Variants in PARP12 observed in about 807,000 individuals in gnomAD.
PARP12 encodes protein mono-ADP-ribosyltransferase PARP12.
A neutral mutation model predicts 72.4 loss-of-function variants in PARP12; 59 were observed. The ratio of observed to expected loss-of-function variants is 0.81; its 90% CI spans 0.66 to 1.01. The LOEUF (loss-of-function observed/expected upper bound fraction) is 1.01, where lower values mean the gene tolerates loss of function less well. Among genes scored for constraint, PARP12 ranks in the 50% least tolerant of loss-of-function variants. The pLI is 0.00. For missense variants in PARP12, 851 were observed against 914.0 expected, an observed-to-expected ratio of 0.93 and a Z score of 0.89; for synonymous variants, 403 against 371.4, an observed-to-expected ratio of 1.09 and a Z score of -0.98.
At chr7:140,032,790 G>A (rs1254008601) in intron 8 of PARP12, among the ~76,000 whole-genome samples, 3 of 151,994 alleles carry the variant, frequency 2.0e-5, no homozygotes, top group African/African-American at 7.3e-5. Flanking sequence ...GCTTATTTTT[G>A]CAAAGAGAAA....
At chr7:140,041,490 G>T in intron 6 of PARP12, 154 bp downstream of exon 6, 1 of 654,618 alleles carries the variant, frequency 1.5e-6, no homozygotes, top group Non-Finnish European at 2.6e-6. Flanking sequence ...ATCTAGTTTT[G>T]CCATAATTCT....
At chr7:140,042,053 G>A (rs1432083806) in intron 5 of PARP12, among the ~76,000 whole-genome samples, 5 of 152,172 alleles carry the variant, frequency 3.3e-5, no homozygotes, top group African/African-American at 1.2e-4. Flanking sequence ...TAGTTATGAC[G>A]AAAATTCCTC....
intron 7 of PARP12, among the ~76,000 whole-genome samples, chr7:140,035,993 G>GAGGAGGAGA (rs1167834142): frequency 0.011 from 584 of 53,962 alleles, 22 homozygotes; most frequent in Non-Finnish European, 0.015. Flanking sequence ...GGAGGAGGAG[G>GAGGAGGAGA]AGGAGGAGAA....
chr7:140,055,742 C>T (rs1817152964), intron 3 of PARP12, among the ~76,000 whole-genome samples: 2 of 152,012 alleles, frequency 1.3e-5, no homozygotes, highest in South Asian at 4.1e-4. Flanking sequence ...CTATTTAATA[C>T]AAAACCTGTC....
At chr7:140,041,591 C>G in intron 6 of PARP12, 53 bp downstream of exon 6, 1 of 1,547,840 alleles carries the variant, frequency 6.5e-7, no homozygotes, top group Non-Finnish European at 8.8e-7. Context: ...TATTTGGCTC[C>G]TCTCTTACAG....
chr7:140,040,367 A>G (rs1321264144), intron 6 of PARP12, among the ~76,000 whole-genome samples: 1 of 152,218 alleles, frequency 6.6e-6, no homozygotes, highest in Non-Finnish European at 1.5e-5. Context: ...GGCAGGGCAG[A>G]GCAGCAAGCA....
intron 5 of PARP12, among the ~76,000 whole-genome samples, chr7:140,043,167 T>C (rs939688473): frequency 3.9e-5 from 6 of 152,136 alleles, no homozygotes; most frequent in African/African-American, 1.4e-4. Flanking sequence ...GCGCTCCAAC[T>C]TGGGCGACAG....
At chr7:140,033,309 T>C (rs1816018861) in intron 8 of PARP12, 2 of 985,322 alleles carry the variant, frequency 2.0e-6, no homozygotes, top group African/African-American at 3.5e-5. Context: ...TCCTCTATCT[T>C]GTACCAAACT....
At chr7:140,033,667 T>A (rs1569526708) in intron 8 of PARP12, 2 of 985,258 alleles carry the variant, frequency 2.0e-6, no homozygotes, top group Admixed American at 6.1e-5. Context: ...GAATTTCCCC[T>A]CATCTGCTAT....
chr7:140,035,604 A>T (rs1387226707), intron 7 of PARP12, among the ~76,000 whole-genome samples: 1 of 152,216 alleles, frequency 6.6e-6, no homozygotes, highest in African/African-American at 2.4e-5. Flanking sequence ...GCCTTGAGTG[A>T]ATCATTTATG....
At chr7:140,037,904 G>A (rs372674580) in intron 6 of PARP12, 48 bp from the exon 7 acceptor site, 20 of 1,581,706 alleles carry the variant, frequency 1.3e-5, no homozygotes, top group East Asian at 6.8e-5. Flanking sequence ...ACTGCGTGAT[G>A]AGGAAAAACG....
intron 10 of PARP12, among the ~76,000 whole-genome samples, chr7:140,026,797 T>C (rs1226411945): frequency 6.6e-6 from 1 of 152,062 alleles, no homozygotes; most frequent in Non-Finnish European, 1.5e-5. Context: ...CCCAACCCCA[T>C]CTGGGGACAG....
chr7:140,028,793 ACAT>A, intron 8 of PARP12, 105 bp from the exon 9 acceptor site: 2 of 921,208 alleles, frequency 2.2e-6, no homozygotes, highest in Non-Finnish European at 1.6e-6. Flanking sequence ...GAGTCTCAGC[ACAT>A]CATATTTCAA....
chr7:140,049,808 G>A (rs1322184439), intron 4 of PARP12, among the ~76,000 whole-genome samples: 5 of 152,226 alleles, frequency 3.3e-5, no homozygotes, highest in African/African-American at 1.2e-4. Flanking sequence ...CAGCTGGTGA[G>A]AGCCTAGTCC....
At chr7:140,027,531 A>G (rs1411609812) in intron 9 of PARP12, 125 bp from the exon 10 acceptor site, 2 of 1,198,464 alleles carry the variant, frequency 1.7e-6, no homozygotes, top group Non-Finnish European at 2.4e-6. Flanking sequence ...CAGTGACCAC[A>G]TTCTCCTGTG....
intron 1 of PARP12, among the ~76,000 whole-genome samples, chr7:140,060,728 G>T (rs1817410014): frequency 7.3e-6 from 1 of 137,046 alleles, no homozygotes; most frequent in Admixed American, 7.8e-5. Context: ...CTTCCTCCTC[G>T]TGGGCTGTTG....
rs1817519317 is a variant in PARP12 at position 140,062,719 on chromosome 7, C to T, written c.129G>A (p.Leu43=). 1.5e-6 allele frequency: 2 copies of T among 1,351,722 alleles called. No homozygotes were observed. The highest frequency in any genetic ancestry group is 1.9e-6 in the Non-Finnish European group (2 of 1,045,438). 83.7% of individuals were successfully genotyped at this position (1,351,722 alleles called of 1,614,324 possible). The change falls in exon 1 of 12, where the codon CTG becomes CTA. Residue 43 remains leucine, a synonymous_variant. Coordinates refer to ENST00000263549, the MANE Select transcript of PARP12 (RefSeq NM_022750.4). ...GLSADALERL[L]RQRGRFVVAV... ...CCACCACGAAGCGCCCACGCTGCCG[C>T]AGCAGCCGCTCCAGCGCGTCGGCGC...
At chr7:140,029,867 C>G (rs1235335389) in intron 8 of PARP12, among the ~76,000 whole-genome samples, 2 of 151,886 alleles carry the variant, frequency 1.3e-5, no homozygotes, top group Non-Finnish European at 2.9e-5. Context: ...CCCACAGCAA[C>G]AAGGAAATGG....
At chr7:140,024,944 A>G (rs1259542727) in intron 11 of PARP12, 59 bp from the exon 12 acceptor site, 1 of 1,512,950 alleles carries the variant, frequency 6.6e-7, no homozygotes, top group Non-Finnish European at 9.1e-7. Flanking sequence ...AAGGGTCAGC[A>G]CACTGCGAAT....
Sources: gnomAD v4.1 joint callset for allele counts (sites outside exome capture counted in the v4.1 genomes callset) on GRCh38, gnomAD v4.1.1 for gene constraint, MANE v1.5 for transcripts, NCBI Gene and HGNC (gene_info 2026-07-23, HGNC 2026-07-21) for gene names.